Variants in WDR7 observed in about 807,000 individuals in gnomAD.
The protein encoded by WDR7 is WD repeat domain 7.
In WDR7, 46 loss-of-function variants were observed where a neutral mutation model predicts 169.4. The ratio of observed to expected loss-of-function variants is 0.27; its 90% confidence interval spans 0.21 to 0.35. The LOEUF (loss-of-function observed/expected upper bound fraction) is 0.35. WDR7 is among the 10% of genes least tolerant of loss of function. WDR7 has a pLI of 1.00. For missense variants in WDR7, 1,534 were observed against 1,859.3 expected, an observed-to-expected ratio of 0.83 and a Z score of 3.22; for synonymous variants, 612 against 666.8, an observed-to-expected ratio of 0.92 and a Z score of 1.27.
intron 22 of WDR7, among the ~76,000 whole-genome samples, chr18:56,924,971 ATCT>A (rs1043095611): frequency 2.0e-5 from 3 of 152,150 alleles, no homozygotes; most frequent in Non-Finnish European, 2.9e-5. Flanking sequence ...GCAACCATTA[ATCT>A]TCTGTCTCTG....
At chr18:57,014,563 A>G (rs1256198369) in intron 26 of WDR7, among the ~76,000 whole-genome samples, 2 of 152,014 alleles carry the variant, frequency 1.3e-5, no homozygotes, top group African/African-American at 4.8e-5. Context: ...AGGCTGAGGC[A>G]GGAGAATCAC....
chr18:56,900,585 G>A (rs2046389142), intron 21 of WDR7, among the ~76,000 whole-genome samples: 1 of 152,194 alleles, frequency 6.6e-6, no homozygotes, highest in Admixed American at 6.5e-5. Flanking sequence ...ATAGTAAAGT[G>A]ACTCAGGACT....
At chr18:56,737,681 AT>A (rs1259534728) in intron 14 of WDR7, among the ~76,000 whole-genome samples, 2 of 152,220 alleles carry the variant, frequency 1.3e-5, no homozygotes, top group African/African-American at 4.8e-5. Flanking sequence ...TACTAAGAAC[AT>A]AGTCTGTGTT....
At chr18:56,729,444 T>C (rs1311162928) in intron 13 of WDR7, among the ~76,000 whole-genome samples, 1 of 152,144 alleles carries the variant, frequency 6.6e-6, no homozygotes, top group Non-Finnish European at 1.5e-5. Context: ...GAGAGTATTT[T>C]TCTGTGACTG....
At chr18:56,875,227 A>G (rs916759489) in intron 20 of WDR7, among the ~76,000 whole-genome samples, 1 of 152,194 alleles carries the variant, frequency 6.6e-6, no homozygotes, top group Non-Finnish European at 1.5e-5. Flanking sequence ...AACTTAGGAT[A>G]TGATATCTCA....
chr18:56,924,299 G>C (rs369060934), intron 22 of WDR7, among the ~76,000 whole-genome samples, 191 bp downstream of exon 22: 85 of 152,188 alleles, frequency 5.6e-4, no homozygotes, highest in African/African-American at 1.9e-3. Context: ...TAACACAATC[G>C]GGATTTAGCC....
chr18:56,688,141 G>A (rs1283662046), intron 7 of WDR7, among the ~76,000 whole-genome samples: 2 of 152,140 alleles, frequency 1.3e-5, no homozygotes, highest in African/African-American at 4.8e-5. Context: ...TGGCAGCGGA[G>A]TTGCTGAGTT....
intron 21 of WDR7, among the ~76,000 whole-genome samples, chr18:56,900,821 A>G (rs1185026399): frequency 6.6e-6 from 1 of 152,140 alleles, no homozygotes; most frequent in Non-Finnish European, 1.5e-5. Context: ...TCCAAGGGTT[A>G]GGCCATCCAC....
intron 20 of WDR7, among the ~76,000 whole-genome samples, chr18:56,835,946 C>T (rs930863350): frequency 6.6e-6 from 1 of 151,968 alleles, no homozygotes; most frequent in Non-Finnish European, 1.5e-5. Context: ...AAGTGAGGCA[C>T]CTGATGTATA....
intron 20 of WDR7, among the ~76,000 whole-genome samples, chr18:56,858,002 C>T (rs1044592516): frequency 6.6e-6 from 1 of 152,104 alleles, no homozygotes; most frequent in African/African-American, 2.4e-5. Context: ...CCTTGTTACA[C>T]TCATCATTAC....
At chr18:56,700,169 A>T (rs1180418134) in intron 12 of WDR7, among the ~76,000 whole-genome samples, 1 of 151,864 alleles carries the variant, frequency 6.6e-6, no homozygotes, top group Non-Finnish European at 1.5e-5. Flanking sequence ...TAGAGTACTT[A>T]AATTGAATAT....
At chr18:56,933,022 T>C (rs923310697) in intron 22 of WDR7, among the ~76,000 whole-genome samples, 19 of 152,162 alleles carry the variant, frequency 1.2e-4, no homozygotes, top group African/African-American at 4.6e-4. Context: ...ATCCTGCTTA[T>C]GTTGGTTTCC....
chr18:56,763,629 C>A (rs561533693), intron 16 of WDR7, among the ~76,000 whole-genome samples: 1 of 152,104 alleles, frequency 6.6e-6, no homozygotes, highest in Admixed American at 6.5e-5. Context: ...GGAAGTAGCC[C>A]CTTTCCCTGT....
At chr18:56,740,366 G>C (rs558871000) in intron 14 of WDR7, among the ~76,000 whole-genome samples, 1 of 151,626 alleles carries the variant, frequency 6.6e-6, no homozygotes, top group African/African-American at 2.4e-5. Flanking sequence ...ATCTTTATCT[G>C]CCAACTCTAA....
chr18:56,955,755 C>A (rs2047242245), intron 25 of WDR7, among the ~76,000 whole-genome samples: 1 of 152,054 alleles, frequency 6.6e-6, no homozygotes, highest in South Asian at 2.1e-4. Context: ...GTTTTAGGTA[C>A]TTCTGTTGCA....
chr18:56,830,275 T>G (rs747043081), intron 20 of WDR7, among the ~76,000 whole-genome samples: 1 of 152,234 alleles, frequency 6.6e-6, no homozygotes, highest in Non-Finnish European at 1.5e-5. Context: ...TATACTCTTA[T>G]GGGTTTTCAC....
Position 56,781,648 on chromosome 18 carries a change from T to A in WDR7, c.3182T>A (p.Val1061Asp). ...APYLPQYIDH[V>D]ISPGVTSEAA... ...TACTTACCTCAGTACATAGACCACG[T>A]CATATCACGTAAGAGTTCTCATGCT... The change falls in exon 19 of 28, where the codon GTC (valine) becomes GAC (aspartate). Residue 1061 changes from valine (V) to aspartate (D), a missense_variant. By Grantham distance (152) the Val-to-Asp change is radical (BLOSUM62 -3). Transcript: ENST00000254442. The A allele has an allele frequency of 6.2e-7, 1 of 1,601,192 alleles. No individual in the cohort carries two copies. Among genetic ancestry groups the A allele is most frequent in the Non-Finnish European group, 8.5e-7 (1 of 1,173,676 alleles).
At chr18:56,812,329 G>T (rs1007480652) in intron 19 of WDR7, among the ~76,000 whole-genome samples, 3 of 152,160 alleles carry the variant, frequency 2.0e-5, no homozygotes, top group Non-Finnish European at 2.9e-5. Context: ...CTTATATTTT[G>T]CAGCCTTGCT....
At chr18:57,031,535 C>G (rs1484371335), downstream of WDR7, 1 of 152,188 alleles carries the variant, frequency 6.6e-6, no homozygotes, top group African/African-American at 2.4e-5. Flanking sequence ...ATCTAAAGTA[C>G]ATCATCAGGC....
Sources: gnomAD v4.1 joint callset for allele counts (sites outside exome capture counted in the v4.1 genomes callset) on GRCh38, gnomAD v4.1.1 for gene constraint, MANE v1.5 for transcripts, NCBI Gene and HGNC (gene_info 2026-07-23, HGNC 2026-07-21) for gene names.